Variants in AMOT observed in about 807,000 individuals in gnomAD.
The protein encoded by AMOT is angiomotin.
In AMOT, 11 loss-of-function variants were observed where a neutral mutation model predicts 67.0. That is an observed-to-expected ratio of 0.16 (90% CI 0.10 to 0.27). The LOEUF (loss-of-function observed/expected upper bound fraction) is 0.27, where lower values mean the gene tolerates loss of function less well. Among genes scored for constraint, AMOT ranks in the 10% least tolerant of loss-of-function variants. The pLI is 1.00. For synonymous variants in AMOT, 326 were observed against 321.4 expected, an observed-to-expected ratio of 1.01 and a Z score of -0.15; for missense variants, 753 against 852.0, an observed-to-expected ratio of 0.88 and a Z score of 1.45.
rs902168601 is a variant in AMOT at position 112,777,172 on chromosome X, C to T, written c.*1395G>A. The T allele has an allele frequency of 2.7e-5, 3 of 109,731 alleles. No individual in the cohort carries two copies. The Admixed American group carries it at 2.9e-4, about 11-fold the overall frequency. 9.0% of individuals were successfully genotyped at this position (109,731 alleles called of 1,213,427 possible). A position where few individuals can be genotyped will look rare whatever the true frequency, so the allele number is the denominator to read the frequency against. On this transcript the variant is annotated 3_prime_UTR_variant, in exon 14 of 14. Coordinates refer to ENST00000371959, the MANE Select transcript of AMOT (RefSeq NM_001113490.2). ...CCCACTTCCCTCACCCTCCCTATAC[C>T]CCTTAAAACTGATCTTAATGATGCT... is the stretch of plus-strand genomic sequence containing the variant.
intron 2 of AMOT, among the ~76,000 whole-genome samples, chrX:112,831,950 A>C (rs1935000934): frequency 9.0e-6 from 1 of 111,355 alleles, no homozygotes; most frequent in Admixed American, 9.6e-5. Flanking sequence ...CTTGCAATAC[A>C]CAGCTCCAGG....
intron 1 of AMOT, 49 bp from the exon 2 acceptor site, chrX:112,832,419 GA>G (rs1456084233): frequency 8.9e-6 from 1 of 111,809 alleles, no homozygotes; most frequent in Non-Finnish European, 1.9e-5. Flanking sequence ...TAGAACTGGA[GA>G]GGGAAGCTCA....
intron 10 of AMOT, among the ~76,000 whole-genome samples, chrX:112,789,470 T>G (rs1933494064): frequency 9.1e-6 from 1 of 110,253 alleles, no homozygotes; most frequent in Non-Finnish European, 1.9e-5. Flanking sequence ...AGATGATATC[T>G]AATGAAGACA....
chrX:112,819,628 G>A (rs1441026619), intron 4 of AMOT, among the ~76,000 whole-genome samples: 1 of 112,541 alleles, frequency 8.9e-6, no homozygotes, highest in Non-Finnish European at 1.9e-5. Context: ...CAAAGATTCT[G>A]AAATTTTAAA....
At chrX:112,819,074 G>GAGTCCTAC (rs1266749472) in intron 4 of AMOT, among the ~76,000 whole-genome samples, 1 of 110,506 alleles carries the variant, frequency 9.0e-6, no homozygotes, top group Admixed American at 9.6e-5. Context: ...AGGGTGGGGG[G>GAGTCCTAC]TACACTCCTC....
At position 112,815,901 on chromosome X, in the gene AMOT, C is replaced by A. The variant is rs183599792; in HGVS notation, c.873-24G>T. 153 of 1,150,182 alleles carry A rather than the reference C, an allele frequency of 1.3e-4. 1 individual carries two copies. In the African/African-American group the frequency reaches 2.3e-3, roughly 17 times the overall value. The allele number at this position is 1,150,182 out of a possible 1,213,427, so 94.8% of individuals were successfully genotyped here. On this transcript the variant is annotated intron_variant, in intron 4 of 13. Transcript: ENST00000371959. The stretch of plus-strand genomic sequence containing the variant: ...GCCTGTAAAACATGAAGGGCAGGTG[C>A]GGGTTAATTTCTCTCCTAAGGCACT...
chrX:112,779,307 A>T lies in AMOT; in HGVS notation c.2847T>A (p.Ala949=), dbSNP rs1348106607. ...VSPAAAGQIP[A]AASVASAAAV... The stretch of plus-strand genomic sequence containing the variant: ...CAGCAGCTGAGGCAACAGAGGCAGC[A>T]GCTGGAATCTGACCAGCAGCAGCTG... Residue 949 remains alanine (A), a synonymous_variant, in exon 13 of 14, where the codon GCT becomes GCA. Transcript: ENST00000371959. The T allele has an allele frequency of 2.9e-6, 2 of 701,723 alleles. No homozygotes were observed. Among genetic ancestry groups the T allele is most frequent in the Non-Finnish European group, 2.2e-6 (1 of 446,629 alleles). The allele number at this position is 701,723 out of a possible 1,213,427, so 57.8% of individuals were successfully genotyped here.
intron 8 of AMOT, 36 bp downstream of exon 8, chrX:112,804,911 A>G (rs1198963380): frequency 2.0e-6 from 1 of 490,729 alleles, no homozygotes; most frequent in South Asian, 2.4e-5. Flanking sequence ...CAGCCCTCCC[A>G]CCCCCAGGCT....
chrX:112,814,751 A>C (rs1934488861), intron 5 of AMOT, among the ~76,000 whole-genome samples: 1 of 111,609 alleles, frequency 9.0e-6, no homozygotes, highest in African/African-American at 3.3e-5. Context: ...TGCCCCCCAC[A>C]TACAACAGAG....
At chrX:112,795,709 A>G (rs909766281) in intron 8 of AMOT, among the ~76,000 whole-genome samples, 1 of 111,250 alleles carries the variant, frequency 9.0e-6, no homozygotes, top group Admixed American at 9.6e-5. Context: ...TTGAGGGGCC[A>G]CTATGGTGGG....
In AMOT at chrX:112,783,690, CAT is replaced by C. The variant is rs1491413423; in HGVS notation, c.2118-1030_2118-1029del. On this transcript the variant is annotated intron_variant, in intron 10 of 13. Coordinates refer to ENST00000371959, the MANE Select transcript of AMOT (RefSeq NM_001113490.2). ...TCAAAGACCAATTAATAAGGAAAAA[CAT>C]GTGTGTGTGTGTGTGTGTGTGTGTG... Among the ~76,000 whole-genome samples, 65 of 89,161 alleles carry C rather than the reference CAT, an allele frequency of 7.3e-4. 1 individual carries two copies. The highest frequency in any genetic ancestry group is 1.1e-3 in the African/African-American group (22 of 20,102). The allele number at this position is 89,161 out of a possible 115,157, so 77.4% of individuals were successfully genotyped here.
intron 7 of AMOT, among the ~76,000 whole-genome samples, chrX:112,805,400 C>T (rs2147802672): frequency 9.1e-6 from 1 of 110,281 alleles, no homozygotes; most frequent in East Asian, 2.8e-4. Context: ...CACACACACA[C>T]ACACACACAC....
chrX:112,795,252 G>C (rs200891377), intron 8 of AMOT, among the ~76,000 whole-genome samples: 9,140 of 108,112 alleles, frequency 0.085, 374 homozygotes, highest in Admixed American at 0.19. Context: ...CTCTCTCTGT[G>C]TGTGTGTGTG....
intron 12 of AMOT, 30 bp downstream of exon 12, chrX:112,780,856 A>T: frequency 8.4e-7 from 1 of 1,184,947 alleles, no homozygotes; most frequent in Admixed American, 2.2e-5. Flanking sequence ...TGAACACGTG[A>T]CTATAATCTT....
intron 1 of AMOT, among the ~76,000 whole-genome samples, chrX:112,837,642 C>G (rs1935162861): frequency 9.0e-6 from 1 of 110,939 alleles, no homozygotes; most frequent in Admixed American, 9.6e-5. Context: ...TTTAATACCC[C>G]CTTAGTTCCT....
chrX:112,825,713 T>C (rs1207591095), intron 2 of AMOT, among the ~76,000 whole-genome samples: 1 of 110,327 alleles, frequency 9.1e-6, no homozygotes, highest in Non-Finnish European at 1.9e-5. Context: ...CAAGCTCAGA[T>C]AGGTGGAGGG....
At chrX:112,824,797 T>C (rs1214033217) in intron 3 of AMOT, among the ~76,000 whole-genome samples, 1 of 111,155 alleles carries the variant, frequency 9.0e-6, no homozygotes, top group East Asian at 2.8e-4. Flanking sequence ...ATAAATCCTT[T>C]TTGGTGCCCA....
At chrX:112,800,194 G>A (rs1933967759) in intron 8 of AMOT, among the ~76,000 whole-genome samples, 1 of 110,635 alleles carries the variant, frequency 9.0e-6, no homozygotes, top group South Asian at 3.9e-4. Context: ...TCAGGCCACT[G>A]CTGTCCAGCC....
intron 1 of AMOT, among the ~76,000 whole-genome samples, chrX:112,837,366 G>A (rs981564855): frequency 2.7e-5 from 3 of 111,793 alleles, no homozygotes; most frequent in African/African-American, 6.5e-5. Context: ...ATATGCTTCC[G>A]AGAAGGCCCA....
Sources: gnomAD v4.1 joint callset for allele counts (sites outside exome capture counted in the v4.1 genomes callset) on GRCh38, gnomAD v4.1.1 for gene constraint, MANE v1.5 for transcripts, NCBI Gene and HGNC (gene_info 2026-07-23, HGNC 2026-07-21) for gene names.